The following CS variants were observed in gnomAD, a reference collection of about 807,000 sequenced individuals.
CS encodes citrate synthase, mitochondrial.
A neutral mutation model predicts 61.4 loss-of-function variants in CS; 13 were observed. That is an observed-to-expected ratio of 0.21 (90% CI 0.14 to 0.34). The LOEUF is 0.34. CS is among the 10% of genes least tolerant of loss of function. The probability of loss-of-function intolerance (pLI) is 1.00; values close to 1 mark genes in which losing one functional copy is unlikely to be tolerated. For synonymous variants in CS, 159 were observed against 215.2 expected, an observed-to-expected ratio of 0.74 and a Z score of 2.29; for missense variants, 278 against 573.4, an observed-to-expected ratio of 0.48 and a Z score of 5.26.
chr12:56,286,546 A>G, intron 2 of CS, 49 bp downstream of exon 2: 1 of 1,577,808 alleles, frequency 6.3e-7, no homozygotes, highest in Non-Finnish European at 8.7e-7. Context: ...CCCCAAGGTC[A>G]GGCTGGCCGC....
chr12:56,289,022 AG>A (rs1873031865), intron 1 of CS, among the ~76,000 whole-genome samples: 1 of 152,170 alleles, frequency 6.6e-6, no homozygotes, highest in South Asian at 2.1e-4. Context: ...AGACCAAGCC[AG>A]TATGTTCCTA....
Position 56,280,428 on chromosome 12 carries a change from A to AC in CS, c.588+1991_588+1992insG, listed in dbSNP as rs1161453918. Among the ~76,000 whole-genome samples the AC allele has an allele frequency of 4.2e-4, 61 of 144,794 alleles. 1 individual carries two copies. Among genetic ancestry groups the AC allele is most frequent in the Non-Finnish European group, 6.3e-4 (41 of 65,568 alleles). The allele number at this position is 144,794 out of a possible 152,430, so 95.0% of individuals were successfully genotyped here. On this transcript the variant is annotated intron_variant, in intron 6 of 10. Coordinates refer to ENST00000351328, the MANE Select transcript of CS (RefSeq NM_004077.3). ...AGACACCGTCTCCCAAAAAAAACAA[A>AC]AAAAAAAAACAAAAAAATTAGCCAG...
At position 56,271,823 on chromosome 12, in the gene CS, A is replaced by G. The variant is rs543501673; in HGVS notation, c.*1261T>C. 7.5e-5 allele frequency: 34 copies of G among 455,920 alleles called. No homozygotes were observed. In the East Asian group the frequency reaches 2.3e-3, roughly 31 times the overall value. 28.2% of individuals were successfully genotyped at this position (455,920 alleles called of 1,614,324 possible). The stretch of plus-strand genomic sequence containing the variant: ...CAACAGTGTGGTTCTGGGACTGGGT[A>G]TCCACACAAACACAGGCAGGAGTTT... On this transcript the variant is annotated 3_prime_UTR_variant, in exon 11 of 11. Coordinates refer to ENST00000351328, the MANE Select transcript of CS (RefSeq NM_004077.3).
chr12:56,288,667 C>T, intron 1 of CS, among the ~76,000 whole-genome samples: 1 of 151,814 alleles, frequency 6.6e-6, no homozygotes, highest in Non-Finnish European at 1.5e-5. Context: ...AAAAGAGGCC[C>T]TTCAGAAAGG....
chr12:56,290,283 C>A (rs546418941), intron 1 of CS, among the ~76,000 whole-genome samples: 46 of 152,204 alleles, frequency 3.0e-4, no homozygotes, highest in African/African-American at 1.1e-3. Context: ...ACAATCTTAG[C>A]TCATTGCAAC....
chr12:56,299,990 C>A (rs1302707483), intron 1 of CS, 170 bp downstream of exon 1: 2 of 602,670 alleles, frequency 3.3e-6, no homozygotes, highest in Non-Finnish European at 5.5e-6. Flanking sequence ...AGAAGGGAAG[C>A]GCGGCACATG....
At chr12:56,275,305 T>G in intron 7 of CS, 174 bp from the exon 8 acceptor site, 1 of 725,640 alleles carries the variant, frequency 1.4e-6, no homozygotes, top group Non-Finnish European at 2.2e-6. Context: ...CCAGGCACAG[T>G]GGCTCACGCC....
chr12:56,283,444 C>T (rs139927693), intron 4 of CS, among the ~76,000 whole-genome samples: 14 of 152,128 alleles, frequency 9.2e-5, no homozygotes, highest in Non-Finnish European at 4.4e-5. Context: ...AGGGTTTCGC[C>T]GTGTTAGCCA....
intron 1 of CS, among the ~76,000 whole-genome samples, chr12:56,289,679 T>C (rs960247530): frequency 1.3e-5 from 2 of 151,984 alleles, no homozygotes; most frequent in Admixed American, 6.6e-5. Flanking sequence ...CCTGACCTCG[T>C]GATCTGCCCG....
intron 1 of CS, chr12:56,298,570 T>C: frequency 1.0e-6 from 1 of 953,522 alleles, no homozygotes; most frequent in Non-Finnish European, 1.2e-6. Flanking sequence ...GCCAAAACGC[T>C]ATCTAGAACT....
At chr12:56,283,084 T>C (rs905194441) in intron 4 of CS, 93 bp from the exon 5 acceptor site, 27 of 1,367,000 alleles carry the variant, frequency 2.0e-5, no homozygotes, top group Non-Finnish European at 2.6e-5. Context: ...CAAGTTAGAG[T>C]AGAACTTTTT....
At chr12:56,289,731 C>A (rs991724597) in intron 1 of CS, among the ~76,000 whole-genome samples, 1 of 151,324 alleles carries the variant, frequency 6.6e-6, no homozygotes, top group Non-Finnish European at 1.5e-5. Flanking sequence ...CGTGAGCCAC[C>A]GCGCCCGGCC....
chr12:56,295,014 C>A (rs1873251863), intron 1 of CS, among the ~76,000 whole-genome samples: 1 of 152,062 alleles, frequency 6.6e-6, no homozygotes, highest in Non-Finnish European at 1.5e-5. Flanking sequence ...GATCTGCCCA[C>A]CTCAGTCTCC....
intron 4 of CS, 118 bp downstream of exon 4, chr12:56,283,674 C>T (rs1398192288): frequency 2.8e-6 from 2 of 702,506 alleles, no homozygotes; most frequent in Middle Eastern, 2.7e-4. Context: ...GTCTTCTCTA[C>T]CTTCCAATAT....
intron 1 of CS, among the ~76,000 whole-genome samples, chr12:56,289,170 C>G (rs889869839): frequency 1.3e-5 from 2 of 152,318 alleles, no homozygotes; most frequent in Middle Eastern, 3.4e-3. Flanking sequence ...CTTCATAGCC[C>G]TTGCACCCTA....
At chr12:56,282,107 T>A (rs1406602647) in intron 6 of CS, among the ~76,000 whole-genome samples, 1 of 152,246 alleles carries the variant, frequency 6.6e-6, no homozygotes, top group Non-Finnish European at 1.5e-5. Flanking sequence ...TCTGCCCGCC[T>A]TGGCCTCCCC....
chr12:56,286,104 C>G (rs1872932485), intron 2 of CS, 81 bp from the exon 3 acceptor site: 1 of 1,239,100 alleles, frequency 8.1e-7, no homozygotes, highest in South Asian at 1.2e-5. Context: ...CAAGAATTTG[C>G]TTTTTAGAAG....
chr12:56,273,744 G>A lies in CS; in HGVS notation c.1073C>T (p.Thr358Ile), dbSNP rs78871887. ...TTTCAGAGCAAACTCTCGCTGACAG[G>A]TATATCGCGGATCAGTCTTCCTTAG... is the stretch of plus-strand genomic sequence containing the variant. The part of the protein sequence containing the change: ...AVLRKTDPRY[T>I]CQREFALKHL... Residue 358 changes from threonine (T) to isoleucine (I), a missense_variant, in exon 10 of 11, where the codon ACC becomes ATC. Thr to Ile is a moderately conservative substitution (Grantham distance 89). Coordinates refer to ENST00000351328, the MANE Select transcript of CS (RefSeq NM_004077.3). 1.9e-6 allele frequency: 3 copies of A among 1,614,192 alleles called. No homozygotes were observed. The highest frequency in any genetic ancestry group is 1.1e-5 in the South Asian group (1 of 91,088).
chr12:56,284,551 T>C (rs150931789), intron 3 of CS, among the ~76,000 whole-genome samples: 6,837 of 150,482 alleles, frequency 0.045, 218 homozygotes, highest in Non-Finnish European at 0.068. Flanking sequence ...GCTGGGATTA[T>C]AGGCACGTGC....
Sources: allele counts gnomAD v4.1 joint callset (sites outside exome capture counted in the v4.1 genomes callset), GRCh38; gene constraint gnomAD v4.1.1; transcripts MANE v1.5; gene names NCBI Gene and HGNC (gene_info 2026-07-23, HGNC 2026-07-21).